The following NT5C3A variants were observed in gnomAD, a reference collection of about 807,000 sequenced individuals.
NT5C3A encodes the protein 5'-nucleotidase, cytosolic IIIA, also known as cytosolic 5'-nucleotidase 3A.
Under a neutral mutation model 40.0 loss-of-function variants are expected in NT5C3A, and 23 were observed. The ratio of observed to expected loss-of-function variants is 0.58; its 90% confidence interval spans 0.41 to 0.81. The LOEUF (loss-of-function observed/expected upper bound fraction) is 0.81. Ranked by LOEUF, NT5C3A falls within the 40% of genes least tolerant of loss-of-function variation. The probability of loss-of-function intolerance (pLI) is 0.00; values close to 1 mark genes in which losing one functional copy is unlikely to be tolerated. For missense variants in NT5C3A, 328 were observed against 403.0 expected, an observed-to-expected ratio of 0.81 and a Z score of 1.59; for synonymous variants, 130 against 141.4, an observed-to-expected ratio of 0.92 and a Z score of 0.57.
rs533130939 is a variant in NT5C3A, at chr7:33,032,224, G to T, written c.139-5309C>A. ...AGATCACCAGAGGTCGGGAGTTCGA[G>T]ATCAGCCTGGGTAACATGGTGAAAC... On this transcript the variant is annotated intron_variant, in intron 1 of 8. Coordinates refer to ENST00000610140, the MANE Select transcript of NT5C3A (RefSeq NM_001002010.5). Among the ~76,000 whole-genome samples, 6 of 151,948 alleles carry T rather than the reference G, an allele frequency of 3.9e-5. No homozygotes were observed. In the East Asian group the frequency reaches 9.8e-4, roughly 25 times the overall value.
At chr7:33,033,807 G>C (rs1786419843) in intron 1 of NT5C3A, among the ~76,000 whole-genome samples, 1 of 151,360 alleles carries the variant, frequency 6.6e-6, no homozygotes, top group Non-Finnish European at 1.5e-5. Context: ...AAAAAGTCTG[G>C]ACAGAGAGAT....
rs1786490908 is a variant in NT5C3A at position 33,034,792 on chromosome 7, T to C, written c.139-7877A>G. Among the ~76,000 whole-genome samples the C allele has an allele frequency of 5.3e-5, 8 of 151,748 alleles. No individual in the cohort carries two copies. In the South Asian group the frequency reaches 1.7e-3, roughly 32 times the overall value. ...TCTAGTTTATAGGCCAGAAAAAAGC[T>C]AGAGAGAAAGAGAAAGCTGAAAAAA... On this transcript the variant is annotated intron_variant, in intron 1 of 8. Transcript: ENST00000610140.
At position 33,048,487 on chromosome 7, in the gene NT5C3A, C is replaced by T. The variant is rs193183948; in HGVS notation, c.138+14081G>A. On this transcript the variant is annotated intron_variant, in intron 1 of 8. Transcript: ENST00000610140. ...AATGTGGACCTCATAAGTTAGTTTT[C>T]TGAAATCTATAGTGAATCACATGAT... Among the ~76,000 whole-genome samples the T allele has an allele frequency of 2.6e-3, 391 of 152,242 alleles. 2 individuals carry two copies. The highest frequency in any genetic ancestry group is 9.0e-3 in the African/African-American group (376 of 41,556).
intron 5 of NT5C3A, 45 bp downstream of exon 5, chr7:33,021,222 GTTGTT>G: frequency 1.9e-6 from 3 of 1,605,710 alleles, no homozygotes; most frequent in South Asian, 1.1e-5. Flanking sequence ...TAACTGCAGT[GTTGTT>G]TTATTATTTT....
In NT5C3A at chr7:33,042,195, G is replaced by A. The variant is rs868206086; in HGVS notation, c.139-15280C>T. On this transcript the variant is annotated intron_variant, in intron 1 of 8. Transcript: ENST00000610140. The stretch of plus-strand genomic sequence containing the variant: ...CTACCAAAAATACAAAAAATTAGCC[G>A]GGCCTGGTGGCAGGCACCTGTAATC... 4.0e-5 allele frequency among the ~76,000 whole-genome samples: 6 copies of A among 151,874 alleles called. No individual in the cohort carries two copies. The Middle Eastern group carries it at 0.014, about 344-fold the overall frequency.
At chr7:33,051,173 A>AT (rs1036219169) in intron 1 of NT5C3A, among the ~76,000 whole-genome samples, 2 of 151,340 alleles carry the variant, frequency 1.3e-5, no homozygotes, top group Admixed American at 1.3e-4. Context: ...TTATTTATTT[A>AT]TTTTTTTTGA....
At chr7:33,036,175 GGT>G in intron 1 of NT5C3A, 1 of 601,514 alleles carries the variant, frequency 1.7e-6, no homozygotes, top group Non-Finnish European at 2.9e-6. Context: ...TCTTTCATTG[GGT>G]GGATGCCTTG....
At chr7:33,033,840 AAAG>A (rs1371191227) in intron 1 of NT5C3A, among the ~76,000 whole-genome samples, 1 of 151,048 alleles carries the variant, frequency 6.6e-6, no homozygotes, top group African/African-American at 2.4e-5. Flanking sequence ...CATGAGAAGT[AAAG>A]AATAACATGC....
intron 1 of NT5C3A, among the ~76,000 whole-genome samples, chr7:33,060,897 A>C (rs77495457): frequency 0.036 from 5,475 of 152,306 alleles, 273 homozygotes; most frequent in East Asian, 0.14. Flanking sequence ...TCCATTGAAA[A>C]GCTACTAGCA....
chr7:33,062,522 A>G (rs1299470378), intron 1 of NT5C3A, 46 bp downstream of exon 1: 13 of 1,558,446 alleles, frequency 8.3e-6, no homozygotes, highest in East Asian at 2.3e-5. Context: ...CGGACGGCCC[A>G]GCCGGCCCCT....
At chr7:33,015,166 G>A (rs923740519) in intron 8 of NT5C3A, among the ~76,000 whole-genome samples, 1 of 152,110 alleles carries the variant, frequency 6.6e-6, no homozygotes, top group South Asian at 2.1e-4. Context: ...AGAAGACACA[G>A]AGGCCTCCTA....
At chr7:33,028,493 T>G (rs551070646) in intron 1 of NT5C3A, among the ~76,000 whole-genome samples, 1 of 152,332 alleles carries the variant, frequency 6.6e-6, no homozygotes, top group South Asian at 2.1e-4. Context: ...GCAATAATAG[T>G]ACCTCAAATC....
chr7:33,040,137 T>A (rs371334618), intron 1 of NT5C3A, among the ~76,000 whole-genome samples: 4 of 152,142 alleles, frequency 2.6e-5, no homozygotes, highest in African/African-American at 9.7e-5. Context: ...TACCCAGAGA[T>A]GCCGGGCTTG....
At chr7:33,024,231 T>C in intron 2 of NT5C3A, 123 bp from the exon 3 acceptor site, 1 of 693,300 alleles carries the variant, frequency 1.4e-6, no homozygotes, top group South Asian at 1.5e-5. Flanking sequence ...AAGTCTCTGG[T>C]CCACACTGTT....
intron 1 of NT5C3A, among the ~76,000 whole-genome samples, chr7:33,057,009 C>T (rs967329230): frequency 2.6e-5 from 4 of 152,042 alleles, no homozygotes; most frequent in Non-Finnish European, 5.9e-5. Context: ...GATGGGGTTT[C>T]TCCATGTTGG....
At chr7:33,062,538 G>T in intron 1 of NT5C3A, 30 bp downstream of exon 1, 1 of 1,597,152 alleles carries the variant, frequency 6.3e-7, no homozygotes, top group Non-Finnish European at 8.6e-7. Flanking sequence ...CCCCTCGCGT[G>T]CTCTGGGCGC....
intron 1 of NT5C3A, among the ~76,000 whole-genome samples, chr7:33,054,052 T>C (rs1384549554): frequency 1.4e-5 from 1 of 70,224 alleles, no homozygotes; most frequent in Non-Finnish European, 2.9e-5. Context: ...GAATATAGCC[T>C]TTGATAATGT....
intron 1 of NT5C3A, among the ~76,000 whole-genome samples, chr7:33,059,919 C>T (rs965042171): frequency 1.3e-5 from 2 of 152,120 alleles, no homozygotes; most frequent in African/African-American, 4.8e-5. Context: ...TCCAGTCCAC[C>T]TTATCTCATC....
At chr7:33,017,295 T>C (rs1785386548) in intron 7 of NT5C3A, 144 bp downstream of exon 7, 8 of 633,306 alleles carry the variant, frequency 1.3e-5, no homozygotes, top group Middle Eastern at 4.3e-4. Context: ...ATATTAACAC[T>C]GAGAAGGATG....
Sources: gnomAD v4.1 joint callset for allele counts (sites outside exome capture counted in the v4.1 genomes callset) on GRCh38, gnomAD v4.1.1 for gene constraint, MANE v1.5 for transcripts, NCBI Gene and HGNC (gene_info 2026-07-23, HGNC 2026-07-21) for gene names.